Variants in MX1 observed in about 807,000 individuals in gnomAD.
MX1 encodes the protein MX dynamin like GTPase 1, also known as interferon-induced GTP-binding protein Mx1.
A neutral mutation model predicts 66.4 loss-of-function variants in MX1; 66 were observed. That is an observed-to-expected ratio of 0.99 (90% CI 0.82 to 1.22). MX1 has a LOEUF of 1.22. Ranked by LOEUF, MX1 falls within the 50% of genes most tolerant of loss-of-function variation. The pLI is 0.00. For missense variants in MX1, 787 were observed against 834.3 expected (o/e 0.94, Z 0.70); for synonymous variants, 311 against 318.1 (o/e 0.98, Z 0.24).
intron 11 of MX1, among the ~76,000 whole-genome samples, chr21:41,444,639 G>C (rs181075690): frequency 1.3e-5 from 2 of 152,290 alleles, no homozygotes; most frequent in East Asian, 1.9e-4. Context: ...AGCCGACCAT[G>C]ATGAGTGCAG....
chr21:41,425,369 C>T (rs970222918), upstream of MX1, among the ~76,000 whole-genome samples: 1 of 152,052 alleles, frequency 6.6e-6, no homozygotes, highest in Admixed American at 6.5e-5. Context: ...GGGAGAATTA[C>T]AAATAACCTT....
At chr21:41,453,876 C>T (rs2090895679) in intron 16 of MX1, among the ~76,000 whole-genome samples, 1 of 141,304 alleles carries the variant, frequency 7.1e-6, no homozygotes, top group South Asian at 2.4e-4. Flanking sequence ...TGTCTACAAA[C>T]TTGACATCAA....
At chr21:41,457,754 A>C (rs2090992584) in intron 16 of MX1, among the ~76,000 whole-genome samples, 1 of 152,178 alleles carries the variant, frequency 6.6e-6, no homozygotes, top group African/African-American at 2.4e-5. Context: ...GTTCAGTGGC[A>C]TTAAGTACAT....
At chr21:41,443,728 A>T in intron 10 of MX1, 60 bp from the exon 11 acceptor site, 1 of 1,534,374 alleles carries the variant, frequency 6.5e-7, no homozygotes, top group Non-Finnish European at 9.0e-7. Flanking sequence ...AACAGCAAAA[A>T]GGCAGACATG....
intron 7 of MX1, among the ~76,000 whole-genome samples, chr21:41,437,831 G>A (rs1275328085): frequency 6.6e-6 from 1 of 152,226 alleles, no homozygotes; most frequent in East Asian, 1.9e-4. Context: ...TTGTGGACAG[G>A]ATCGTCACTG....
At position 41,458,922 on chromosome 21, in the gene MX1, G is replaced by A; in HGVS notation, c.*164G>A. The A allele has an allele frequency of 7.6e-7, 1 of 1,311,742 alleles. No individual in the cohort carries two copies. The highest frequency in any genetic ancestry group is 1.5e-5 in the African/African-American group (1 of 67,312). The allele number at this position is 1,311,742 out of a possible 1,614,324, so 81.3% of individuals were successfully genotyped here. On this transcript the variant is annotated 3_prime_UTR_variant, in exon 17 of 17. Coordinates refer to ENST00000398598, the MANE Select transcript of MX1 (RefSeq NM_002462.5). ...AGCAGGAAGCTGTGAGAGCAGTTTG[G>A]TTTCTAGCATGAAGACAGAGCCCCA...
Position 41,431,988 on chromosome 21 carries a change from G to T in MX1, c.-21-62G>T, listed in dbSNP as rs1007286878. ...GGCCTTCCGTTCTGGTGGTGGGTTT[G>T]GTTCCATGGTTGAATGCACCCAGCT... On this transcript the variant is annotated intron_variant, in intron 4 of 16. Transcript: ENST00000398598. The T allele has an allele frequency of 5.7e-6, 8 of 1,392,074 alleles. No homozygotes were observed. In the African/African-American group the frequency reaches 7.1e-5, roughly 12 times the overall value. 86.2% of individuals were successfully genotyped at this position (1,392,074 alleles called of 1,614,324 possible).
chr21:41,432,205 T>C, intron 5 of MX1, 30 bp downstream of exon 5: 2 of 1,602,398 alleles, frequency 1.2e-6, no homozygotes, highest in Non-Finnish European at 1.7e-6. Context: ...TCGCTATCCA[T>C]GTGACATGAG....
At chr21:41,449,375 C>T in intron 14 of MX1, 80 bp downstream of exon 14, 1 of 1,457,158 alleles carries the variant, frequency 6.9e-7, no homozygotes, top group East Asian at 2.3e-5. Flanking sequence ...CAAACTTCAG[C>T]ACTTTCCTCC....
intron 5 of MX1, among the ~76,000 whole-genome samples, chr21:41,433,086 A>G (rs2090266419): frequency 6.6e-6 from 1 of 152,220 alleles, no homozygotes; most frequent in Non-Finnish European, 1.5e-5. Context: ...TTTCCAGTCA[A>G]GGAGAACAGA....
rs909534497 is a variant in MX1 at position 41,458,813 on chromosome 21, G to A, written c.*55G>A. On this transcript the variant is annotated 3_prime_UTR_variant, in exon 17 of 17. Coordinates refer to ENST00000398598, the MANE Select transcript of MX1 (RefSeq NM_002462.5). ...ACGCACACTGTCTGCCCCCGTTCCC[G>A]GGTAGCCACTGGACTGACGACTTGA... 26 of 1,567,822 alleles carry A rather than the reference G, an allele frequency of 1.7e-5. No homozygotes were observed. The highest frequency in any genetic ancestry group is 5.2e-5 in the Admixed American group (3 of 57,574).
At chr21:41,458,477 C>CCTCCTCACAGTGTCCT in intron 16 of MX1, 51 bp from the exon 17 acceptor site, 1 of 1,606,910 alleles carries the variant, frequency 6.2e-7, no homozygotes, top group South Asian at 1.1e-5. Context: ...GTCAGAGTCC[C>CCTCCTCACAGTGTCCT]CTCCTCACAG....
chr21:41,435,324 T>C (rs78728013), intron 5 of MX1, among the ~76,000 whole-genome samples: 2,772 of 152,358 alleles, frequency 0.018, 35 homozygotes, highest in Non-Finnish European at 0.025. Flanking sequence ...GGGAATTGTA[T>C]GTATTATTTC....
intron 3 of MX1, chr21:41,429,577 GGAGTTTT>G (rs2090154913): frequency 6.6e-6 from 1 of 152,110 alleles, no homozygotes; most frequent in Non-Finnish European, 1.5e-5. Context: ...CAAAGGCATG[GGAGTTTT>G]AGGGAATAAA....
rs1162480097 is a variant in MX1, at chr21:41,441,705, C to G, written c.731-11C>G. 1 of 1,613,990 alleles carries G rather than the reference C, an allele frequency of 6.2e-7. No homozygotes were observed. The highest frequency in any genetic ancestry group is 8.5e-7 in the Non-Finnish European group (1 of 1,179,966). Reference sequence around the variant, plus strand: ...GAGCACGTTCTCTCCCCAAATACATCTGGCTCGCAGGAATCTTGACGAAGC... The same window carrying G: ...GAGCACGTTCTCTCCCCAAATACATGTGGCTCGCAGGAATCTTGACGAAGC... On this transcript the variant is annotated splice_polypyrimidine_tract_variant and intron_variant, in intron 9 of 16. Transcript: ENST00000398598. This position sits in a 1 kb window ranked among gnomAD's most constrained non-coding sequence, Gnocchi z 4.0.
upstream of MX1, among the ~76,000 whole-genome samples, chr21:41,425,391 G>A (rs1355210345): frequency 6.6e-6 from 1 of 152,172 alleles, no homozygotes. Context: ...TTAAGGGTGG[G>A]GAAGATTACA....
At chr21:41,422,490 G>A (rs1601450778), upstream of MX1, among the ~76,000 whole-genome samples, 2 of 152,194 alleles carry the variant, frequency 1.3e-5, no homozygotes, top group African/African-American at 4.8e-5. Context: ...TGTGGACAGA[G>A]GGCAGCCTGG....
At position 41,454,931 on chromosome 21, in the gene MX1, G is replaced by A. The variant is rs185832440; in HGVS notation, c.1758+2062G>A. On this transcript the variant is annotated intron_variant, in intron 16 of 16. Transcript: ENST00000398598. Reference sequence around the variant, plus strand: ...TTCTTTTTTTTTTTTTTTTGAAACCGAGTCTCACTCCATTACCCAGGCTGG... The same window carrying A: ...TTCTTTTTTTTTTTTTTTTGAAACCAAGTCTCACTCCATTACCCAGGCTGG... Among the ~76,000 whole-genome samples the A allele has an allele frequency of 1.2e-4, 18 of 147,742 alleles. No individual in the cohort carries two copies. The East Asian group carries it at 2.0e-3, about 16-fold the overall frequency.
intron 16 of MX1, 24 bp downstream of exon 16, chr21:41,452,893 T>C (rs1450557996): frequency 1.2e-6 from 2 of 1,609,488 alleles, no homozygotes; most frequent in Non-Finnish European, 1.7e-6. Flanking sequence ...TGGTTCAGGA[T>C]GCCAGCTTCC....
Sources: gnomAD v4.1 joint callset for allele counts (sites outside exome capture counted in the v4.1 genomes callset) on GRCh38, gnomAD v4.1.1 for gene constraint, Gnocchi (gnomAD v3.1) non-coding constraint, MANE v1.5 for transcripts, NCBI Gene and HGNC (gene_info 2026-07-23, HGNC 2026-07-21) for gene names.